Variants in ZNF101 observed in about 807,000 individuals in gnomAD.
The protein encoded by ZNF101 is zinc finger protein 101, also known as zinc finger protein 101 (Y2).
ZNF101 carries 34 observed loss-of-function variants against 42.6 expected under a neutral mutation model. The ratio of observed to expected loss-of-function variants is 0.80; its 90% CI spans 0.61 to 1.06. The LOEUF is 1.06. ZNF101 is among the 50% of genes least tolerant of loss of function. ZNF101 has a pLI of 0.00. For missense variants in ZNF101, 466 were observed against 530.9 expected (o/e 0.88, Z 1.20); for synonymous variants, 158 against 183.9 (o/e 0.86, Z 1.14).
rs373089158 is a variant in ZNF101 at position 19,668,950 on chromosome 19, C to A, written c.-14C>A. 15 of 1,588,348 alleles carry A rather than the reference C, an allele frequency of 9.4e-6. No individual in the cohort carries two copies. The highest frequency in any genetic ancestry group is 1.2e-5 in the Non-Finnish European group (14 of 1,167,960). On this transcript the variant is annotated 5_prime_UTR_variant, in exon 1 of 4. Transcript: ENST00000592502. ...CCAGCCCCAGGAAGGACCCAGGACA[C>A]CCGGAAGCCGGAAATGGTGAGCGTG... is the stretch of plus-strand genomic sequence containing the variant.
chr19:19,673,289 G>A (rs562269868), intron 1 of ZNF101, among the ~76,000 whole-genome samples: 15 of 134,064 alleles, frequency 1.1e-4, no homozygotes, highest in Non-Finnish European at 1.7e-4. Context: ...TTGCTCTGTC[G>A]CCGAGGCTGG....
At chr19:19,679,118 T>C (rs2062220199) in intron 3 of ZNF101, 63 bp from the exon 4 acceptor site, 1 of 1,564,434 alleles carries the variant, frequency 6.4e-7, no homozygotes, top group African/African-American at 1.4e-5. Flanking sequence ...TCTTAAGACA[T>C]GTCAATTAGT....
intron 2 of ZNF101, among the ~76,000 whole-genome samples, chr19:19,678,248 G>A (rs942547177): frequency 6.6e-6 from 1 of 151,450 alleles, no homozygotes; most frequent in African/African-American, 2.4e-5. Flanking sequence ...AAAAAAAAGT[G>A]GGGGGTGGGC....
chr19:19,681,796 G>GT lies in ZNF101; in HGVS notation c.*1497dup, dbSNP rs1351607593. On this transcript the variant is annotated 3_prime_UTR_variant, in exon 4 of 4. Coordinates refer to ENST00000592502, the MANE Select transcript of ZNF101 (RefSeq NM_033204.4). ...TCCACTCGAAAGAAATCCTATAAAC[G>GT]TAAGTAATTTTGAAAGCCTGATGCA... The GT allele has an allele frequency of 6.6e-6, 1 of 151,620 alleles. No individual in the cohort carries two copies. The highest frequency in any genetic ancestry group is 1.5e-5 in the Non-Finnish European group (1 of 67,988). The allele number at this position is 151,620 out of a possible 1,614,324, so 9.4% of individuals were successfully genotyped here. A position where few individuals can be genotyped will look rare whatever the true frequency, so the allele number is the denominator to read the frequency against.
rs145562274 is a variant in ZNF101 at position 19,680,243 on chromosome 19, C to T, written c.1254C>T (p.Ala418=). The change falls in exon 4 of 4, where the codon GCC becomes GCT. Residue 418 remains alanine (A), a synonymous_variant. Coordinates refer to ENST00000592502, the MANE Select transcript of ZNF101 (RefSeq NM_033204.4). ...GACTTCATGAAAGAACTCATTTGGC[C>T]GGGCGTAGCCAGTGCTTTGGCAGGA... ...YLRLHERTHL[A]GRSQCFGRRQ... is the part of the protein sequence containing the mutation. 3.6e-5 allele frequency: 56 copies of T among 1,557,314 alleles called. No individual in the cohort carries two copies. The highest frequency in any genetic ancestry group is 2.2e-4 in the South Asian group (18 of 80,384).
chr19:19,671,010 G>T (rs914929961), intron 1 of ZNF101, among the ~76,000 whole-genome samples: 1 of 152,234 alleles, frequency 6.6e-6, no homozygotes, highest in Non-Finnish European at 1.5e-5. Flanking sequence ...GGAGGCTGAG[G>T]CAGGAGAATG....
upstream of ZNF101, among the ~76,000 whole-genome samples, chr19:19,668,340 C>CT (rs2062144847): frequency 6.6e-6 from 1 of 152,024 alleles, no homozygotes; most frequent in Non-Finnish European, 1.5e-5. Context: ...TGCAGGTGTC[C>CT]TGACCGCATC....
rs910063281 is a variant in ZNF101 at position 19,668,930 on chromosome 19, C to T, written c.-34C>T. 1 of 1,579,970 alleles carries T rather than the reference C, an allele frequency of 6.3e-7. No individual in the cohort carries two copies. The highest frequency in any genetic ancestry group is 8.6e-7 in the Non-Finnish European group (1 of 1,163,460). On this transcript the variant is annotated 5_prime_UTR_variant, in exon 1 of 4. Coordinates refer to ENST00000592502, the MANE Select transcript of ZNF101 (RefSeq NM_033204.4). ...TGGGACCTGTTCTGGCTGCTCCAGCCCCAGGAAGGACCCAGGACACCCGGA... is the reference window on the plus strand; with the variant it reads ...TGGGACCTGTTCTGGCTGCTCCAGCTCCAGGAAGGACCCAGGACACCCGGA...
At chr19:19,673,687 CTTTTTTTTTT>C (rs573395742) in intron 1 of ZNF101, among the ~76,000 whole-genome samples, 1 of 82,868 alleles carries the variant, frequency 1.2e-5, no homozygotes, top group African/African-American at 4.9e-5. Context: ...GCGTTCAATT[CTTTTTTTTTT>C]TTTTTTTTTT....
chr19:19,673,111 A>T (rs1568436438), intron 1 of ZNF101, among the ~76,000 whole-genome samples: 2 of 146,158 alleles, frequency 1.4e-5, no homozygotes, highest in African/African-American at 5.0e-5. Context: ...CGCCTGGCTA[A>T]TTTTTTTTTT....
intron 1 of ZNF101, 69 bp downstream of exon 1, chr19:19,669,035 T>C (rs2062152324): frequency 1.3e-6 from 2 of 1,534,626 alleles, no homozygotes; most frequent in Non-Finnish European, 1.8e-6. Flanking sequence ...TGGCTGGACC[T>C]GGGCCTCCCC....
upstream of ZNF101, chr19:19,668,668 G>T (rs954557117): frequency 7.2e-6 from 3 of 419,310 alleles, no homozygotes; most frequent in Admixed American, 1.2e-4. Flanking sequence ...CCCACACAGC[G>T]AGCGGATTAT....
At chr19:19,672,577 G>A (rs2062177602) in intron 1 of ZNF101, among the ~76,000 whole-genome samples, 1 of 151,904 alleles carries the variant, frequency 6.6e-6, no homozygotes, top group East Asian at 1.9e-4. Context: ...CCAGGCTGGA[G>A]TGCGGTGGCA....
At chr19:19,669,895 CCT>C (rs1158107291) in intron 1 of ZNF101, among the ~76,000 whole-genome samples, 1 of 152,032 alleles carries the variant, frequency 6.6e-6, no homozygotes, top group Admixed American at 6.6e-5. Context: ...AAAATAACCC[CCT>C]GACACTCCGA....
rs2062223113 is a variant in ZNF101, at chr19:19,679,416, C to T, written c.427C>T (p.Gln143Ter). The stretch of plus-strand genomic sequence containing the variant: ...GGAATGGAGAGAGACGCCCCGTAAA[C>T]AGAAACAACATGGGAAAGCCTCCAT... ...GGEWRETPRK[Q>*]KQHGKASISP... The change falls in exon 4 of 4, where the codon CAG becomes TAG. Residue 143 changes from glutamine to a stop codon, truncating the protein, a stop_gained. Transcript: ENST00000592502. LOFTEE classifies it high-confidence loss of function. 1.2e-6 allele frequency: 2 copies of T among 1,613,804 alleles called. No homozygotes were observed. The highest frequency in any genetic ancestry group is 1.7e-6 in the Non-Finnish European group (2 of 1,179,892).
chr19:19,678,794 CCA>C lies in ZNF101; in HGVS notation c.191+10_191+11del. ...CCTGGGGATTAAGCTAAGGTAATCT[CCA>C]CTCACAAGAGGAAGCAGTGTCTCTT... On this transcript the variant is annotated intron_variant, in intron 3 of 3. Coordinates refer to ENST00000592502, the MANE Select transcript of ZNF101 (RefSeq NM_033204.4). 1 of 1,607,374 alleles carries C rather than the reference CCA, an allele frequency of 6.2e-7. No homozygotes were observed. The highest frequency in any genetic ancestry group is 1.1e-5 in the South Asian group (1 of 89,524).
At position 19,682,227 on chromosome 19, in the gene ZNF101, T is replaced by A. The variant is rs183298022; in HGVS notation, c.*1927T>A. ...TGTGAGCCACCGCGCCTGGCCTTTTTTTTTTTTCCCGAGACACAGTCTCAC... is the reference window on the plus strand; with the variant it reads ...TGTGAGCCACCGCGCCTGGCCTTTTATTTTTTTCCCGAGACACAGTCTCAC... On this transcript the variant is annotated 3_prime_UTR_variant, in exon 4 of 4. Transcript: ENST00000592502. 1 of 145,548 alleles carries A rather than the reference T, an allele frequency of 6.9e-6. No individual in the cohort carries two copies. Among genetic ancestry groups the A allele is most frequent in the Admixed American group, 6.7e-5 (1 of 14,834 alleles). The allele number at this position is 145,548 out of a possible 1,614,324, so 9.0% of individuals were successfully genotyped here.
chr19:19,673,499 C>T (rs1050284194), intron 1 of ZNF101, among the ~76,000 whole-genome samples: 2 of 151,444 alleles, frequency 1.3e-5, no homozygotes, highest in South Asian at 2.1e-4. Context: ...CCACCCACCT[C>T]GGCCTCCCAA....
chr19:19,672,882 T>G (rs1214793804), intron 1 of ZNF101, among the ~76,000 whole-genome samples: 1 of 152,152 alleles, frequency 6.6e-6, no homozygotes, highest in East Asian at 1.9e-4. Context: ...ACATGGGATT[T>G]TGATAGGGAT....
Sources: allele counts gnomAD v4.1 joint callset (sites outside exome capture counted in the v4.1 genomes callset), GRCh38; gene constraint gnomAD v4.1.1; transcripts MANE v1.5; gene names NCBI Gene and HGNC (gene_info 2026-07-23, HGNC 2026-07-21).